Variants in CSPG4 observed in about 807,000 individuals in gnomAD.
CSPG4 encodes chondroitin sulfate proteoglycan 4, also known as chondroitin sulfate proteoglycan 4 (melanoma-associated).
Under a neutral mutation model 139.3 loss-of-function variants are expected in CSPG4, and 74 were observed. That is an observed-to-expected ratio of 0.53 (90% CI 0.44 to 0.64). The LOEUF (loss-of-function observed/expected upper bound fraction) is 0.64. CSPG4 is among the 30% of genes least tolerant of loss of function. The pLI, the probability that CSPG4 is intolerant of heterozygous loss-of-function variation, is 0.00. For synonymous variants in CSPG4, 1,234 were observed against 1,394.2 expected (o/e 0.89, Z 2.56); for missense variants, 2,565 against 3,148.3 (o/e 0.81, Z 4.43).
rs1894151042 is a variant in CSPG4, at chr15:75,690,570, G to A, written c.495C>T (p.Pro165=). Residue 165 remains proline (P), a synonymous_variant, in exon 3 of 10, where the codon CCC becomes CCT. Transcript: ENST00000308508. ...GLPYLRGTSR[P]LRGCLHAATL... Reference sequence around the variant, plus strand: ...TGGCTGCATGGAGGCAACCCCTCAGGGGTCGGCTGGTTCCCCTCAGGTAGG... The same window carrying A: ...TGGCTGCATGGAGGCAACCCCTCAGAGGTCGGCTGGTTCCCCTCAGGTAGG... 6.2e-7 allele frequency: 1 copy of A among 1,608,434 alleles called. No individual in the cohort carries two copies. Among genetic ancestry groups the A allele is most frequent in the Admixed American group, 1.7e-5 (1 of 59,716 alleles).
At position 75,675,915 on chromosome 15, in the gene CSPG4, C is replaced by T. The variant is rs1893883491; in HGVS notation, c.6604G>A (p.Ala2202Thr). 4 of 1,601,392 alleles carry T rather than the reference C, an allele frequency of 2.5e-6. No individual in the cohort carries two copies. Among genetic ancestry groups the T allele is most frequent in the Non-Finnish European group, 1.7e-6 (2 of 1,179,068 alleles). ...STPTGEPGPM[A>T]SSPEPAVAKG... is the part of the protein sequence containing the mutation. ...GCCACAGCGGGCTCAGGGCTGGATG[C>T]CATGGGGCCTGGCTCGCCTGTGGGG... The change falls in exon 10 of 10, where the codon GCA becomes ACA. Residue 2202 changes from alanine (A) to threonine (T), a missense_variant. By Grantham distance (58) the Ala-to-Thr change is moderately conservative (BLOSUM62 0). Coordinates refer to ENST00000308508, the MANE Select transcript of CSPG4 (RefSeq NM_001897.5).
chr15:75,703,001 G>A (rs1417162978), intron 1 of CSPG4, among the ~76,000 whole-genome samples: 1 of 133,916 alleles, frequency 7.5e-6, no homozygotes, highest in African/African-American at 2.8e-5. Context: ...TGAGGGGAGC[G>A]GAACATTTCT....
intron 1 of CSPG4, among the ~76,000 whole-genome samples, chr15:75,701,446 T>C (rs1894300098): frequency 6.6e-6 from 1 of 152,162 alleles, no homozygotes; most frequent in Admixed American, 6.5e-5. Flanking sequence ...GTGTCCTTGC[T>C]AGTGAAGCTC....
chr15:75,690,248 G>A lies in CSPG4; in HGVS notation c.817C>T (p.Leu273Phe). The A allele has an allele frequency of 1.9e-6, 3 of 1,613,390 alleles. No individual in the cohort carries two copies. Among genetic ancestry groups the A allele is most frequent in the African/African-American group, 1.3e-5 (1 of 75,074 alleles). The change falls in exon 3 of 10, where the codon CTC becomes TTC. Residue 273 changes from leucine to phenylalanine, a missense_variant. By Grantham distance (22) the Leu-to-Phe change is conservative. Transcript: ENST00000308508. ...TCGGCCACAGGCACACTGTTGTGGA[G>A]CAATACGGTACCCTGGCCCTTCTCC... is the stretch of plus-strand genomic sequence containing the variant. Reference protein sequence around the residue: ...VVEKGQGTVLLHNSVPVADGQ... With the variant: ...VVEKGQGTVLFHNSVPVADGQ...
At position 75,675,034 on chromosome 15, in the gene CSPG4, A is replaced by T. The variant is rs1893869451; in HGVS notation, c.*516T>A. The T allele has an allele frequency of 1.0e-5, 4 of 389,554 alleles. No homozygotes were observed. The highest frequency in any genetic ancestry group is 2.9e-4 in the South Asian group (2 of 6,946). The allele number at this position is 389,554 out of a possible 1,614,324, so 24.1% of individuals were successfully genotyped here. A position where few individuals can be genotyped will look rare whatever the true frequency, so the allele number is the denominator to read the frequency against. The stretch of plus-strand genomic sequence containing the variant: ...CTCCTCTTGCCCTCTACTCCAGGGG[A>T]TACCATCTCCCTAAAAAACCAGGGG... On this transcript the variant is annotated 3_prime_UTR_variant, in exon 10 of 10. Transcript: ENST00000308508.
chr15:75,694,267 T>C (rs1378264295), intron 1 of CSPG4, among the ~76,000 whole-genome samples: 1 of 152,226 alleles, frequency 6.6e-6, no homozygotes, highest in African/African-American at 2.4e-5. Flanking sequence ...GGACTCCTCC[T>C]CTTTTGAATT....
At chr15:75,684,036 C>T (rs1486310990) in intron 5 of CSPG4, among the ~76,000 whole-genome samples, 1 of 150,640 alleles carries the variant, frequency 6.6e-6, no homozygotes, top group Non-Finnish European at 1.5e-5. Flanking sequence ...CCCGCCCCCA[C>T]CCCCGCCCCA....
At chr15:75,712,958 C>T, upstream of CSPG4, 1 of 534,170 alleles carries the variant, frequency 1.9e-6, no homozygotes, top group Non-Finnish European at 3.3e-6. Flanking sequence ...CCACCCTCAA[C>T]CTTCTTAAAG....
At position 75,685,393 on chromosome 15, in the gene CSPG4, G is replaced by A. The variant is rs954351452; in HGVS notation, c.4098C>T (p.Ser1366=). The change falls in exon 4 of 10, where the codon AGC becomes AGT. Residue 1366 remains serine, a synonymous_variant. Coordinates refer to ENST00000308508, the MANE Select transcript of CSPG4 (RefSeq NM_001897.5). ...AAIPLEAQNF[S]VPEGGSLTLA... is the part of the protein sequence containing the mutation. ...GGGTGAGGCTGCCACCCTCAGGGACGCTGAAGTTTTGCGCCTCTAGTGGGA... is the reference window on the plus strand; with the variant it reads ...GGGTGAGGCTGCCACCCTCAGGGACACTGAAGTTTTGCGCCTCTAGTGGGA... 34 of 1,610,952 alleles carry A rather than the reference G, an allele frequency of 2.1e-5. No homozygotes were observed. Among genetic ancestry groups the A allele is most frequent in the African/African-American group, 1.5e-4 (11 of 74,908 alleles).
intron 1 of CSPG4, among the ~76,000 whole-genome samples, chr15:75,700,251 G>A (rs868517366): frequency 6.6e-6 from 1 of 152,140 alleles, no homozygotes; most frequent in Admixed American, 6.5e-5. Context: ...CCTGTGAATC[G>A]GAAGTGGAGC....
Position 75,688,168 on chromosome 15 carries a change from A to G in CSPG4, c.2897T>C (p.Leu966Ser). The change falls in exon 3 of 10, where the codon TTG becomes TCG. Residue 966 changes from leucine to serine, a missense_variant. Transcript: ENST00000308508. ...ATGCTGGTAGACCAGCCGGCCACGC[A>G]ACAGGTCTTCATTGGTGAAGGATGT... The part of the protein sequence containing the change: ...MVTSFTNEDL[L>S]RGRLVYQHDD... 1 of 1,612,854 alleles carries G rather than the reference A, an allele frequency of 6.2e-7. No individual in the cohort carries two copies. Among genetic ancestry groups the G allele is most frequent in the Non-Finnish European group, 8.5e-7 (1 of 1,179,870 alleles).
chr15:75,692,172 C>G (rs1297134351), intron 2 of CSPG4, among the ~76,000 whole-genome samples: 1 of 152,120 alleles, frequency 6.6e-6, no homozygotes, highest in Non-Finnish European at 1.5e-5. Context: ...TTATTAGAGA[C>G]ACGGTTTCAC....
chr15:75,691,035 A>G (rs1037465239), intron 2 of CSPG4, among the ~76,000 whole-genome samples: 3 of 152,190 alleles, frequency 2.0e-5, no homozygotes, highest in Non-Finnish European at 4.4e-5. Flanking sequence ...TTAGCTGGGC[A>G]TGGTGGCGCA....
chr15:75,680,422 G>C (rs1030680724), intron 8 of CSPG4: 2 of 152,280 alleles, frequency 1.3e-5, no homozygotes, highest in African/African-American at 4.8e-5. Context: ...TTTCCCAAAG[G>C]TTATATGTTG....
rs1356410033 is a variant in CSPG4, at chr15:75,689,249, G to A, written c.1816C>T (p.Arg606Ter). ...GTSSGLPVER[R>*]DQPGEPATEF... ...GTCGCCGGCTCCCCAGGCTGGTCTC[G>A]GCGCTCCACGGGGAGGCCAGAGGAG... The change falls in exon 3 of 10, where the codon CGA becomes TGA. Residue 606 changes from arginine (R) to a stop codon, truncating the protein, a stop_gained. Transcript: ENST00000308508. LOFTEE classifies it high-confidence loss of function. 4.3e-6 allele frequency: 7 copies of A among 1,610,352 alleles called. No homozygotes were observed. Among genetic ancestry groups the A allele is most frequent in the Non-Finnish European group, 5.9e-6 (7 of 1,179,646 alleles).
intron 1 of CSPG4, among the ~76,000 whole-genome samples, chr15:75,709,314 G>A (rs1894414578): frequency 6.6e-6 from 1 of 152,170 alleles, no homozygotes; most frequent in African/African-American, 2.4e-5. Flanking sequence ...GGGGCGGAGG[G>A]CATGTTGGAG....
At chr15:75,708,380 G>A (rs1270746836) in intron 1 of CSPG4, among the ~76,000 whole-genome samples, 1 of 130,238 alleles carries the variant, frequency 7.7e-6, no homozygotes, top group African/African-American at 2.9e-5. Flanking sequence ...CCCTACATCA[G>A]AGACAAAAGT....
At chr15:75,699,954 G>C (rs1332920336) in intron 1 of CSPG4, among the ~76,000 whole-genome samples, 2 of 152,186 alleles carry the variant, frequency 1.3e-5, no homozygotes, top group African/African-American at 4.8e-5. Context: ...AGTGGACCCA[G>C]GCTGGGGTAG....
chr15:75,693,713 C>G (rs1894193204), intron 1 of CSPG4, among the ~76,000 whole-genome samples: 1 of 152,234 alleles, frequency 6.6e-6, no homozygotes, highest in Non-Finnish European at 1.5e-5. Flanking sequence ...GATTCCTTCT[C>G]CTAAGTGCCC....
Sources: allele counts gnomAD v4.1 joint callset (sites outside exome capture counted in the v4.1 genomes callset), GRCh38; gene constraint gnomAD v4.1.1; transcripts MANE v1.5; gene names NCBI Gene and HGNC (gene_info 2026-07-23, HGNC 2026-07-21).